Variants in PARP10 observed in about 807,000 individuals in gnomAD.
PARP10 encodes poly(ADP-ribose) polymerase family member 10, also known as protein mono-ADP-ribosyltransferase PARP10.
A neutral mutation model predicts 82.4 loss-of-function variants in PARP10; 56 were observed. The ratio of observed to expected loss-of-function variants is 0.68; its 90% confidence interval spans 0.55 to 0.85. The LOEUF (loss-of-function observed/expected upper bound fraction) is 0.85, where lower values mean the gene tolerates loss of function less well. PARP10 is among the 40% of genes least tolerant of loss of function. The probability of loss-of-function intolerance (pLI) is 0.00; values close to 1 mark genes in which losing one functional copy is unlikely to be tolerated. For synonymous variants in PARP10, 576 were observed against 601.1 expected (o/e 0.96, Z 0.61); for missense variants, 1,227 against 1,379.4 (o/e 0.89, Z 1.75).
At chr8:143,991,173 C>A (rs373039569), upstream of PARP10, 234 of 1,385,158 alleles carry the variant, frequency 1.7e-4, no homozygotes, top group Non-Finnish European at 2.2e-4. Flanking sequence ...GCCAACTGTT[C>A]CACTGTTCCT....
rs552526872 is a variant in PARP10, at chr8:144,008,133, G to A, written c.-80+4397C>T. Among the ~76,000 whole-genome samples the A allele has an allele frequency of 2.6e-5, 4 of 152,258 alleles. No homozygotes were observed. The highest frequency in any genetic ancestry group is 3.4e-3 in the Middle Eastern group (1 of 294). On this transcript the variant is annotated intron_variant, in intron 1 of 3. Transcript: ENST00000530478. This position sits in a 1 kb window ranked among gnomAD's most constrained non-coding sequence, Gnocchi z 4.0. ...AGACCCGGAGGTTCAACATGGCCACGGCAGGCAGGATTGAAATGTTCGCAT... is the reference window on the plus strand; with the variant it reads ...AGACCCGGAGGTTCAACATGGCCACAGCAGGCAGGATTGAAATGTTCGCAT...
upstream of PARP10, among the ~76,000 whole-genome samples, chr8:143,987,894 A>AC (rs1834020401): frequency 6.6e-6 from 1 of 151,312 alleles, no homozygotes; most frequent in African/African-American, 2.4e-5. Flanking sequence ...CTGTCTAAAA[A>AC]AAAAACAAAA....
Position 143,984,772 on chromosome 8 carries a change from T to C in PARP10, c.1230A>G (p.Gln410=). 1 of 1,613,160 alleles carries C rather than the reference T, an allele frequency of 6.2e-7. No homozygotes were observed. The highest frequency in any genetic ancestry group is 8.5e-7 in the Non-Finnish European group (1 of 1,179,680). The change falls in exon 5 of 11, where the codon CAA becomes CAG. Residue 410 remains glutamine (Q), a synonymous_variant. Transcript: ENST00000313028. ...LVEIAMDSPE[Q]EGLVGPMEIT... ...TCTCCATGGGACCCACCAGCCCCTC[T>C]TGCTCTGGTGAGTCCATGGCAATTT...
intron 1 of PARP10, among the ~76,000 whole-genome samples, chr8:144,005,818 G>A (rs556771309): frequency 6.6e-6 from 1 of 152,112 alleles, no homozygotes; most frequent in East Asian, 1.9e-4. Flanking sequence ...ACCTTGTCAA[G>A]GAGGCCTCCA....
upstream of PARP10, chr8:143,991,754 C>G (rs1587467871): frequency 6.2e-7 from 1 of 1,613,924 alleles, no homozygotes; most frequent in Non-Finnish European, 8.5e-7. Flanking sequence ...CCAGGACTTC[C>G]CTGCCACCAA....
chr8:143,998,378 A>G (rs372051254), intron 1 of PARP10, among the ~76,000 whole-genome samples: 8 of 152,190 alleles, frequency 5.3e-5, no homozygotes, highest in African/African-American at 1.9e-4. Flanking sequence ...CTCTGCCTCT[A>G]TTGGTTGAAG....
chr8:144,005,338 G>A (rs1834229509), intron 1 of PARP10, among the ~76,000 whole-genome samples: 1 of 152,074 alleles, frequency 6.6e-6, no homozygotes, highest in Admixed American at 6.5e-5. Context: ...CTCAGAGCAA[G>A]GGAAGCAGAC....
chr8:144,012,500 G>A (rs1322370780), intron 1 of PARP10: 2 of 1,551,282 alleles, frequency 1.3e-6, no homozygotes, highest in Non-Finnish European at 1.7e-6. Context: ...CCGCACCCTT[G>A]CCACTGCCCC....
intron 1 of PARP10, among the ~76,000 whole-genome samples, chr8:144,004,328 C>T (rs982719802): frequency 1.3e-5 from 2 of 152,026 alleles, no homozygotes; most frequent in Non-Finnish European, 2.9e-5. Context: ...ATGGTGGGGG[C>T]CAGGACTGCG....
chr8:144,000,186 G>A (rs7844403), intron 1 of PARP10, among the ~76,000 whole-genome samples: 5,995 of 152,234 alleles, frequency 0.039, 404 homozygotes, highest in African/African-American at 0.14. Flanking sequence ...GTACCTCAGA[G>A]TGTGACCTAA....
At position 143,977,553 on chromosome 8, in the gene PARP10, G is replaced by A. The variant is rs144909002; in HGVS notation, c.3009C>T (p.Thr1003=). 6.5e-4 allele frequency: 1,013 copies of A among 1,569,032 alleles called. 6 individuals are homozygous for A. The African/African-American group carries it at 0.011, about 17-fold the overall frequency. The part of the protein sequence containing the change: ...DTQALPTHLI[T]CEHVPRASPD... ...GGGAAGCGCGGGGCACGTGCTCGCA[G>A]GTGATGAGGTGGGTGGGCAGCGCCT... The change falls in exon 11 of 11, where the codon ACC becomes ACT. Residue 1003 remains threonine, a synonymous_variant. Transcript: ENST00000313028.
rs562182591 is a variant in PARP10 at position 144,010,361 on chromosome 8, C to T, written c.-80+2169G>A. Among the ~76,000 whole-genome samples the T allele has an allele frequency of 7.2e-5, 11 of 152,298 alleles. No individual in the cohort carries two copies. The East Asian group carries it at 1.3e-3, about 19-fold the overall frequency. The stretch of plus-strand genomic sequence containing the variant: ...ACAGTTGGTGGCCAACATATGTTTT[C>T]GGATGAAAGAACACTGGCATATGCA... On this transcript the variant is annotated intron_variant, in intron 1 of 3. Transcript: ENST00000530478.
At position 144,008,032 on chromosome 8, in the gene PARP10, A is replaced by T. The variant is rs1554752195; in HGVS notation, c.-80+4498T>A. 6.6e-6 allele frequency among the ~76,000 whole-genome samples: 1 copy of T among 152,200 alleles called. No individual in the cohort carries two copies. Among genetic ancestry groups the T allele is most frequent in the Non-Finnish European group, 1.5e-5 (1 of 68,038 alleles). ...CTGCCGACGTCCCGGAGGGCCCTGG[A>T]AGTCAAATGCCAACTGAATCTGTGG... is the stretch of plus-strand genomic sequence containing the variant. On this transcript the variant is annotated intron_variant, in intron 1 of 3. Transcript: ENST00000530478. The surrounding 1 kb of genome is among the most constrained non-coding windows in gnomAD (Gnocchi z 4.0).
upstream of PARP10, chr8:143,991,636 G>C: frequency 6.3e-7 from 1 of 1,594,424 alleles, no homozygotes; most frequent in South Asian, 1.1e-5. Flanking sequence ...GGGGTGGCCG[G>C]GAGGGCAGGG....
At chr8:143,997,841 G>A (rs1554751403) in intron 1 of PARP10, among the ~76,000 whole-genome samples, 1 of 151,526 alleles carries the variant, frequency 6.6e-6, no homozygotes, top group Non-Finnish European at 1.5e-5. Context: ...ACCCAGACCG[G>A]GACACAGATC....
chr8:143,992,112 C>T, upstream of PARP10: 2 of 1,606,814 alleles, frequency 1.2e-6, no homozygotes, highest in Non-Finnish European at 1.7e-6. Flanking sequence ...GTGCCTGGGT[C>T]CGGCCATGCA....
At chr8:143,984,170 C>T (rs782468322) in intron 6 of PARP10, 40 bp downstream of exon 6, 16 of 1,544,618 alleles carry the variant, frequency 1.0e-5, no homozygotes, top group East Asian at 4.7e-5. Context: ...GGGGCAGAGG[C>T]GTGAGAAAGG....
intron 1 of PARP10, among the ~76,000 whole-genome samples, chr8:144,003,431 A>G (rs1376687989): frequency 6.7e-6 from 1 of 149,638 alleles, no homozygotes; most frequent in African/African-American, 2.5e-5. Context: ...TCTGTCTCAA[A>G]AAAAAAAAAA....
At chr8:143,986,544 CT>C, upstream of PARP10, 1 of 839,264 alleles carries the variant, frequency 1.2e-6, no homozygotes, top group East Asian at 2.7e-5. Flanking sequence ...GCTTCCTCTC[CT>C]GCTGCAGCCT....
Sources: gnomAD v4.1 joint callset for allele counts (sites outside exome capture counted in the v4.1 genomes callset) on GRCh38, gnomAD v4.1.1 for gene constraint, Gnocchi (gnomAD v3.1) non-coding constraint, MANE v1.5 for transcripts, NCBI Gene and HGNC (gene_info 2026-07-23, HGNC 2026-07-21) for gene names.